Variants in GALNT13 observed in about 807,000 individuals in gnomAD.
GALNT13 encodes UDP-GalNAc:polypeptide N-acetylgalactosaminyltransferase 13.
GALNT13 carries 28 observed loss-of-function variants against 64.2 expected under a neutral mutation model. The observed-to-expected ratio is 0.44, with a 90% CI of 0.32 to 0.60. The LOEUF (loss-of-function observed/expected upper bound fraction) is 0.60, where lower values mean the gene tolerates loss of function less well. GALNT13 is among the 20% of genes least tolerant of loss of function. The pLI is 0.05. For missense variants in GALNT13, 577 were observed against 669.8 expected (o/e 0.86, Z 1.53); for synonymous variants, 214 against 224.6 (o/e 0.95, Z 0.42).
At chr2:153,782,149 T>C in the GALNT13 span, among the ~76,000 whole-genome samples, 1 of 152,312 alleles carries the variant, frequency 6.6e-6, no homozygotes, top group African/African-American at 2.4e-5. Flanking sequence ...TTTACTGAGG[T>C]ACAGTCATAT....
the GALNT13 span, among the ~76,000 whole-genome samples, chr2:153,207,413 A>G: frequency 6.6e-6 from 1 of 152,108 alleles, no homozygotes; most frequent in Non-Finnish European, 1.5e-5. Context: ...TCATCAGAAT[A>G]TGTAATATGT....
At chr2:153,743,532 T>G in the GALNT13 span, among the ~76,000 whole-genome samples, 32 of 151,654 alleles carry the variant, frequency 2.1e-4, no homozygotes, top group African/African-American at 7.7e-4. Flanking sequence ...TTTATTTATC[T>G]ATTTTTATTT....
chr2:153,131,168 G>A, the GALNT13 span, among the ~76,000 whole-genome samples: 1 of 152,102 alleles, frequency 6.6e-6, no homozygotes, highest in East Asian at 1.9e-4. Flanking sequence ...TAGATTGGGG[G>A]TTTTAGTCCC....
At chr2:154,408,617 A>G (rs1341271940) in intron 10 of GALNT13, among the ~76,000 whole-genome samples, 4 of 152,032 alleles carry the variant, frequency 2.6e-5, no homozygotes, top group Non-Finnish European at 4.4e-5. Flanking sequence ...AGAATAGTCA[A>G]TGGTTATTTG....
At chr2:153,428,799 T>C in the GALNT13 span, among the ~76,000 whole-genome samples, 1 of 152,176 alleles carries the variant, frequency 6.6e-6, no homozygotes, top group South Asian at 2.1e-4. Flanking sequence ...TGTGAAATTA[T>C]GTTTGTAAAG....
chr2:153,622,713 A>T, the GALNT13 span, among the ~76,000 whole-genome samples: 1 of 152,184 alleles, frequency 6.6e-6, no homozygotes, highest in African/African-American at 2.4e-5. Context: ...AAAACAACCA[A>T]ATTTGTATTA....
the GALNT13 span, among the ~76,000 whole-genome samples, chr2:153,509,944 C>G: frequency 2.0e-5 from 3 of 152,098 alleles, no homozygotes; most frequent in South Asian, 6.2e-4. Flanking sequence ...ATTTTTACTA[C>G]TAAGTATATT....
chr2:154,223,448 C>CTTTTTTTTT (rs61230257), intron 4 of GALNT13, among the ~76,000 whole-genome samples: 3 of 124,308 alleles, frequency 2.4e-5, no homozygotes, highest in African/African-American at 6.2e-5. Context: ...TTTTCTTTTT[C>CTTTTTTTTT]TTTTTTTTTT....
intron 4 of GALNT13, among the ~76,000 whole-genome samples, chr2:154,174,533 C>A (rs905140800): frequency 6.6e-6 from 1 of 152,106 alleles, no homozygotes; most frequent in Admixed American, 6.6e-5. Context: ...TACACACGAC[C>A]TTTGAAAAGT....
chr2:153,078,386 A>G, the GALNT13 span, among the ~76,000 whole-genome samples: 1 of 148,746 alleles, frequency 6.7e-6, no homozygotes, highest in Non-Finnish European at 1.5e-5. Context: ...ATCTCAGCTC[A>G]CTGCAACGTC....
At chr2:154,436,928 T>G (rs986998581) in intron 11 of GALNT13, 1 of 152,172 alleles carries the variant, frequency 6.6e-6, no homozygotes, top group Non-Finnish European at 1.5e-5. Flanking sequence ...GTTTTGAGAC[T>G]GGGTCTTGCT....
chr2:153,334,467 A>C, the GALNT13 span, among the ~76,000 whole-genome samples: 1 of 152,200 alleles, frequency 6.6e-6, no homozygotes, highest in Non-Finnish European at 1.5e-5. Context: ...TTGATAAAAG[A>C]AAGCTAACTA....
At chr2:153,722,706 G>A in the GALNT13 span, among the ~76,000 whole-genome samples, 2 of 152,234 alleles carry the variant, frequency 1.3e-5, no homozygotes, top group Non-Finnish European at 2.9e-5. Context: ...AAATCTAGAA[G>A]AAACGGATAC....
intron 3 of GALNT13, among the ~76,000 whole-genome samples, chr2:154,097,794 A>G (rs1702147001): frequency 6.6e-6 from 1 of 152,114 alleles, no homozygotes. Context: ...AGACAAAACA[A>G]ATATTTTCAT....
chr2:154,063,190 C>G (rs1010235857), intron 3 of GALNT13, among the ~76,000 whole-genome samples: 1 of 152,240 alleles, frequency 6.6e-6, no homozygotes, highest in Admixed American at 6.5e-5. Context: ...ATCACATTCT[C>G]TTAAGGAAGC....
intron 4 of GALNT13, among the ~76,000 whole-genome samples, chr2:154,159,112 A>G (rs534989091): frequency 8.4e-4 from 127 of 151,412 alleles, no homozygotes; most frequent in African/African-American, 2.9e-3. Context: ...CTTTTTTATT[A>G]TTTATTTTAT....
At chr2:153,573,327 T>C in the GALNT13 span, among the ~76,000 whole-genome samples, 1 of 152,026 alleles carries the variant, frequency 6.6e-6, no homozygotes, top group Non-Finnish European at 1.5e-5. Flanking sequence ...TTAGTCCATA[T>C]GTGCCTTTTT....
the GALNT13 span, among the ~76,000 whole-genome samples, chr2:153,577,082 G>A: frequency 6.6e-5 from 10 of 152,154 alleles, no homozygotes; most frequent in African/African-American, 2.4e-4. Flanking sequence ...ATATTTCCCT[G>A]CTCCTCTAAT....
At chr2:153,339,306 C>T in the GALNT13 span, among the ~76,000 whole-genome samples, 22 of 152,230 alleles carry the variant, frequency 1.4e-4, no homozygotes, top group Non-Finnish European at 2.4e-4. Context: ...TGATAATAGC[C>T]GTTCTAACAA....
Sources: allele counts gnomAD v4.1 joint callset (sites outside exome capture counted in the v4.1 genomes callset), GRCh38; gene constraint gnomAD v4.1.1; transcripts MANE v1.5; gene names NCBI Gene and HGNC (gene_info 2026-07-23, HGNC 2026-07-21).